The following MCIDAS variants were observed in gnomAD, a reference collection of about 807,000 sequenced individuals.
MCIDAS encodes multiciliate differentiation and DNA synthesis associated cell cycle protein, also known as multicilin.
In MCIDAS, 23 loss-of-function variants were observed where a neutral mutation model predicts 35.4. That is an observed-to-expected ratio of 0.65 (90% confidence interval 0.47 to 0.92). MCIDAS has a LOEUF of 0.92. Ranked by LOEUF, MCIDAS falls within the 40% of genes least tolerant of loss-of-function variation. MCIDAS has a pLI of 0.00. For synonymous variants in MCIDAS, 228 were observed against 235.2 expected, an observed-to-expected ratio of 0.97 and a Z score of 0.28; for missense variants, 480 against 531.8, an observed-to-expected ratio of 0.90 and a Z score of 0.96.
chr5:55,227,243 G>T lies in MCIDAS; in HGVS notation c.-105C>A. The T allele has an allele frequency of 1.1e-5, 15 of 1,339,530 alleles. No homozygotes were observed. Among genetic ancestry groups the T allele is most frequent in the Non-Finnish European group, 1.4e-5 (15 of 1,046,136 alleles). 83.0% of individuals were successfully genotyped at this position (1,339,530 alleles called of 1,614,324 possible). A position where few individuals can be genotyped will look rare whatever the true frequency, so the allele number is the denominator to read the frequency against. ...TCAGTGCCTGCAGGCTCCGAAGCCA[G>T]CCAGAGGTTGGGGCAGGCGCGTGAC... On this transcript the variant is annotated 5_prime_UTR_variant, in exon 1 of 7. The change creates a new upstream start codon in the 5' untranslated region. Transcript: ENST00000513312.
At chr5:55,224,789 G>A (rs1444817860) in intron 3 of MCIDAS, among the ~76,000 whole-genome samples, 2 of 152,222 alleles carry the variant, frequency 1.3e-5, no homozygotes, top group Non-Finnish European at 2.9e-5. Flanking sequence ...TGTGATCTGA[G>A]TGTCCCAGGG....
chr5:55,220,914 T>G, intron 6 of MCIDAS, 102 bp downstream of exon 6: 1 of 1,451,790 alleles, frequency 6.9e-7, no homozygotes, highest in Non-Finnish European at 9.2e-7. Context: ...TCAGCGGTAC[T>G]CTCCTCTCCC....
rs1177446672 is a variant in MCIDAS at position 55,222,330 on chromosome 5, G to T, written c.452C>A (p.Pro151Gln). ...DFPFSPCDISPFGPCLSPPLD... is the reference protein window; with the variant it reads ...DFPFSPCDISQFGPCLSPPLD... ...TGGCGGGGAGAGGCAGGGCCCGAAT[G>T]GTGATATGTCGCAAGGAGAGAAGGG... Residue 151 changes from proline to glutamine, a missense_variant, in exon 5 of 7, where the codon CCA becomes CAA. Pro to Gln is a moderately conservative substitution (Grantham distance 76). Coordinates refer to ENST00000513312, the MANE Select transcript of MCIDAS (RefSeq NM_001190787.3). The T allele has an allele frequency of 1.3e-6, 2 of 1,534,642 alleles. No individual in the cohort carries two copies. The highest frequency in any genetic ancestry group is 1.7e-6 in the Non-Finnish European group (2 of 1,146,126).
In MCIDAS at chr5:55,220,381, G is replaced by A; in HGVS notation, c.1143C>T (p.Arg381=). ...ACATCACAGCTCAACTGGGGACCCA[G>A]CGGAACTTGTAACCCCCGTTGGCTG... The part of the protein sequence containing the change: ...IRTANGGYKF[R]WVPS The change falls in exon 7 of 7, where the codon CGC becomes CGT. Residue 381 remains arginine (R), a synonymous_variant. Coordinates refer to ENST00000513312, the MANE Select transcript of MCIDAS (RefSeq NM_001190787.3). 2 of 1,535,156 alleles carry A rather than the reference G, an allele frequency of 1.3e-6. No individual in the cohort carries two copies. Among genetic ancestry groups the A allele is most frequent in the Non-Finnish European group, 1.7e-6 (2 of 1,146,174 alleles).
Position 55,222,271 on chromosome 5 carries a change from G to A in MCIDAS, c.511C>T (p.Arg171Cys), listed in dbSNP as rs747069505. The A allele has an allele frequency of 3.8e-5, 58 of 1,535,940 alleles. No individual in the cohort carries two copies. Among genetic ancestry groups the A allele is most frequent in the South Asian group, 3.3e-4 (28 of 84,056 alleles). The stretch of plus-strand genomic sequence containing the variant: ...TCAGGCGGGGGCACGTCTGGAGGGC[G>A]CAGCGGTGGTGACTGCAGGGCCCGT... ...DPRALQSPPL[R>C]PPDVPPPEQY... The change falls in exon 5 of 7, where the codon CGC becomes TGC. Residue 171 changes from arginine (R) to cysteine (C), a missense_variant. By Grantham distance (180) the Arg-to-Cys change is radical. Coordinates refer to ENST00000513312, the MANE Select transcript of MCIDAS (RefSeq NM_001190787.3).
In MCIDAS at chr5:55,221,133, G is replaced by T. The variant is rs987058405; in HGVS notation, c.607-7C>A. 4.6e-6 allele frequency: 7 copies of T among 1,533,992 alleles called. No homozygotes were observed. The highest frequency in any genetic ancestry group is 1.4e-5 in the African/African-American group (1 of 73,012). ...GGGTCAATGTCACGTGCAGCTGCAG[G>T]AGGAGACCCAAACATTCAGGGGTAG... On this transcript the variant is annotated splice_region_variant and splice_polypyrimidine_tract_variant and intron_variant, in intron 5 of 6. Transcript: ENST00000513312.
At chr5:55,222,880 A>G in intron 4 of MCIDAS, 71 bp downstream of exon 4, 1 of 1,404,566 alleles carries the variant, frequency 7.1e-7, no homozygotes, top group South Asian at 1.2e-5. Context: ...CGACCACGAA[A>G]TCTGAACTAG....
Position 55,220,466 on chromosome 5 carries a change from C to T in MCIDAS, c.1058G>A (p.Arg353His). 1 of 1,535,974 alleles carries T rather than the reference C, an allele frequency of 6.5e-7. No homozygotes were observed. Among genetic ancestry groups the T allele is most frequent in the Non-Finnish European group, 8.7e-7 (1 of 1,146,882 alleles). ...GAGGGTGCGGATGGTGCTGTGGCTGCGGATGCGGGTGCTGAAGGAGCCGCC... is the reference window on the plus strand; with the variant it reads ...GAGGGTGCGGATGGTGCTGTGGCTGTGGATGCGGGTGCTGAAGGAGCCGCC... Reference protein sequence around the residue: ...EEGGSFSTRIRSHSTIRTLAF... With the variant: ...EEGGSFSTRIHSHSTIRTLAF... The change falls in exon 7 of 7, where the codon CGC becomes CAC. Residue 353 changes from arginine to histidine, a missense_variant. Arg to His is a conservative substitution (Grantham distance 29). Transcript: ENST00000513312.
In MCIDAS at chr5:55,220,304, G is replaced by C. The variant is rs1745325949; in HGVS notation, c.*62C>G. The stretch of plus-strand genomic sequence containing the variant: ...GCATTCAACCTGAAGGCAAAGTTCT[G>C]GGAAGCCCCCAGGCACTTCAGTGGA... On this transcript the variant is annotated 3_prime_UTR_variant, in exon 7 of 7. Transcript: ENST00000513312. 1.4e-6 allele frequency: 2 copies of C among 1,448,486 alleles called. No individual in the cohort carries two copies. Among genetic ancestry groups the C allele is most frequent in the African/African-American group, 2.8e-5 (2 of 70,852 alleles). 89.7% of individuals were successfully genotyped at this position (1,448,486 alleles called of 1,614,324 possible). A position where few individuals can be genotyped will look rare whatever the true frequency, so the allele number is the denominator to read the frequency against.
At chr5:55,222,134 T>C (rs1745370551) in intron 5 of MCIDAS, 42 bp downstream of exon 5, 9 of 1,520,280 alleles carry the variant, frequency 5.9e-6, no homozygotes, top group Non-Finnish European at 7.9e-6. Flanking sequence ...CTATATCCTG[T>C]CCCTGCCCCA....
chr5:55,225,806 G>A (rs2111700535), intron 3 of MCIDAS, among the ~76,000 whole-genome samples: 1 of 152,312 alleles, frequency 6.6e-6, no homozygotes, highest in African/African-American at 2.4e-5. Context: ...CTACCCATGA[G>A]CCAGGCTTCT....
rs773992313 is a variant in MCIDAS at position 55,222,366 on chromosome 5, C to T, written c.416G>A (p.Ser139Asn). ...GCAAGGAGAGAAGGGGAAGTCTCCG[C>T]TGGCCAGGGTAGGCGACATCATAGA... The part of the protein sequence containing the change: ...SSSMMSPTLA[S>N]GDFPFSPCDI... The change falls in exon 5 of 7, where the codon AGC (serine) becomes AAC (asparagine). Residue 139 changes from serine (S) to asparagine (N), a missense_variant. Transcript: ENST00000513312. The T allele has an allele frequency of 1.3e-6, 2 of 1,528,180 alleles. No individual in the cohort carries two copies. The highest frequency in any genetic ancestry group is 1.2e-5 in the South Asian group (1 of 83,188). 94.7% of individuals were successfully genotyped at this position (1,528,180 alleles called of 1,614,324 possible).
intron 3 of MCIDAS, among the ~76,000 whole-genome samples, chr5:55,225,936 A>G (rs1745447041): frequency 6.6e-6 from 1 of 152,204 alleles, no homozygotes; most frequent in Non-Finnish European, 1.5e-5. Context: ...AAAAAAGTCA[A>G]GTGCCTTTTT....
chr5:55,221,911 C>A (rs775653841), intron 5 of MCIDAS, among the ~76,000 whole-genome samples: 1 of 150,880 alleles, frequency 6.6e-6, no homozygotes, highest in Non-Finnish European at 1.5e-5. Flanking sequence ...GGCGACAGAG[C>A]GAGACTCCGT....
intron 4 of MCIDAS, 134 bp from the exon 5 acceptor site, chr5:55,222,533 G>T: frequency 1.4e-6 from 1 of 711,048 alleles, no homozygotes; most frequent in Non-Finnish European, 2.3e-6. Flanking sequence ...ACTCCTAAAC[G>T]CCTGATTACG....
Position 55,227,293 on chromosome 5 carries a change from A to C in MCIDAS, c.-155T>G, listed in dbSNP as rs947005766. The C allele has an allele frequency of 9.6e-7, 1 of 1,044,540 alleles. No individual in the cohort carries two copies. The highest frequency in any genetic ancestry group is 1.7e-5 in the African/African-American group (1 of 59,258). 64.7% of individuals were successfully genotyped at this position (1,044,540 alleles called of 1,614,324 possible). ...CCGAGAAGGAGCCGAGGGGCTGCCGAGGAGGTGCTGAGAGATGGCGGGGGA... is the reference window on the plus strand; with the variant it reads ...CCGAGAAGGAGCCGAGGGGCTGCCGCGGAGGTGCTGAGAGATGGCGGGGGA... On this transcript the variant is annotated 5_prime_UTR_variant, in exon 1 of 7. Coordinates refer to ENST00000513312, the MANE Select transcript of MCIDAS (RefSeq NM_001190787.3).
At chr5:55,222,859 T>A (rs334877) in intron 4 of MCIDAS, 92 bp downstream of exon 4, 2 of 1,166,646 alleles carry the variant, frequency 1.7e-6, no homozygotes, top group Non-Finnish European at 1.2e-6. Flanking sequence ...TGGCTGGGTT[T>A]ACCACCTTCA....
chr5:55,220,356 A>C lies in MCIDAS; in HGVS notation c.*10T>G, dbSNP rs1745327021. 2.6e-6 allele frequency: 4 copies of C among 1,527,290 alleles called. No homozygotes were observed. In the African/African-American group the frequency reaches 5.5e-5, roughly 21 times the overall value. 94.6% of individuals were successfully genotyped at this position (1,527,290 alleles called of 1,614,324 possible). A position where few individuals can be genotyped will look rare whatever the true frequency, so the allele number is the denominator to read the frequency against. On this transcript the variant is annotated 3_prime_UTR_variant, in exon 7 of 7. Coordinates refer to ENST00000513312, the MANE Select transcript of MCIDAS (RefSeq NM_001190787.3). ...ACACAGGGCAGTGTTTTGGGGGACC[A>C]CATCACAGCTCAACTGGGGACCCAG...
chr5:55,225,189 C>CA (rs1449753115), intron 3 of MCIDAS, among the ~76,000 whole-genome samples: 1 of 152,036 alleles, frequency 6.6e-6, no homozygotes, highest in African/African-American at 2.4e-5. Flanking sequence ...GTCTGAGTGA[C>CA]AGAGTGAGAC....
Sources: allele counts gnomAD v4.1 joint callset (sites outside exome capture counted in the v4.1 genomes callset), GRCh38; gene constraint gnomAD v4.1.1; transcripts MANE v1.5; gene names NCBI Gene and HGNC (gene_info 2026-07-23, HGNC 2026-07-21).